The following OTUD4 variants were observed in gnomAD, a reference collection of about 807,000 sequenced individuals.
OTUD4 encodes the protein OTU domain-containing protein 4.
In OTUD4, 24 loss-of-function variants were observed where a neutral mutation model predicts 130.4. The ratio of observed to expected loss-of-function variants is 0.18; its 90% CI spans 0.13 to 0.26. The LOEUF (loss-of-function observed/expected upper bound fraction) is 0.26. Ranked by LOEUF, OTUD4 falls within the 10% of genes least tolerant of loss-of-function variation. The probability of loss-of-function intolerance (pLI) is 1.00; values close to 1 mark genes in which losing one functional copy is unlikely to be tolerated. For synonymous variants in OTUD4, 420 were observed against 472.5 expected (o/e 0.89, Z 1.44); for missense variants, 1,031 against 1,329.4 (o/e 0.78, Z 3.49).
chr4:145,146,490 AACATTCTTG>A, intron 13 of OTUD4, 61 bp from the exon 14 acceptor site: 2 of 1,037,456 alleles, frequency 1.9e-6, no homozygotes, highest in South Asian at 2.4e-5. Flanking sequence ...AAATAAATAA[AACATTCTTG>A]TCAAAAAAAA....
rs1298962126 is a variant in OTUD4 at position 145,137,934 on chromosome 4, A to G, written c.2841T>C (p.Asp947=). The change falls in exon 21 of 21, where the codon GAT becomes GAC. Residue 947 remains aspartate (D), a synonymous_variant. Transcript: ENST00000447906. ...TEQSSQTRKA[D]TALASIPPVA... ...CAGGAGGGATGGAAGCCAATGCCGT[A>G]TCTGCCTTTCGTGTCTGGGAAGATT... is the stretch of plus-strand genomic sequence containing the variant. 3 of 1,614,180 alleles carry G rather than the reference A, an allele frequency of 1.9e-6. No individual in the cohort carries two copies. The Admixed American group carries it at 5.0e-5, about 27-fold the overall frequency.
intron 5 of OTUD4, among the ~76,000 whole-genome samples, chr4:145,163,496 G>T (rs1220966576): frequency 1.3e-5 from 2 of 152,000 alleles, no homozygotes; most frequent in African/African-American, 4.8e-5. Flanking sequence ...AGTATTCCTG[G>T]ATGTAATGGC....
intron 13 of OTUD4, among the ~76,000 whole-genome samples, chr4:145,146,695 G>A (rs1750844667): frequency 6.6e-6 from 1 of 152,096 alleles, no homozygotes; most frequent in Non-Finnish European, 1.5e-5. Context: ...ACAGCAATGG[G>A]AGGTAGAGGG....
chr4:145,142,016 C>T (rs760307666), intron 18 of OTUD4, among the ~76,000 whole-genome samples, 180 bp downstream of exon 18: 3 of 152,202 alleles, frequency 2.0e-5, no homozygotes, highest in Non-Finnish European at 4.4e-5. Flanking sequence ...CAGATGAATA[C>T]AACACCAAAT....
At chr4:145,154,069 G>A (rs891789817) in intron 10 of OTUD4, among the ~76,000 whole-genome samples, 1 of 152,184 alleles carries the variant, frequency 6.6e-6, no homozygotes, top group African/African-American at 2.4e-5. Context: ...ACCAAAAGCA[G>A]TTTCAACCTC....
Position 145,180,539 on chromosome 4 carries a change from T to C in OTUD4, c.-566A>G, listed in dbSNP as rs1324717600. Among the ~76,000 whole-genome samples the C allele has an allele frequency of 6.6e-6, 1 of 152,182 alleles. No homozygotes were observed. The highest frequency in any genetic ancestry group is 2.4e-5 in the African/African-American group (1 of 41,450). The stretch of plus-strand genomic sequence containing the variant: ...GGGGCGCCCGGGAGAGAACAGCACC[T>C]CGCAGCCCAGAATTTGTTTTCGCTT... On this transcript the variant is annotated 5_prime_UTR_variant, in exon 1 of 21. Transcript: ENST00000447906.
In OTUD4 at chr4:145,138,069, A is replaced by G. The variant is rs374463520; in HGVS notation, c.2706T>C (p.Asp902=). 7 of 1,614,034 alleles carry G rather than the reference A, an allele frequency of 4.3e-6. No individual in the cohort carries two copies. The highest frequency in any genetic ancestry group is 2.2e-5 in the East Asian group (1 of 44,882). Residue 902 remains aspartate (D), a synonymous_variant, in exon 21 of 21, where the codon GAT becomes GAC. Transcript: ENST00000447906. ...LSLENLDLSK[D]CGSVSTVDEF... ...CATCTACTGTTGAAACTGAACCACA[A>G]TCTTTAGACAGATCCAGATTTTCCA...
At chr4:145,138,847 T>C (rs751226011) in intron 20 of OTUD4, among the ~76,000 whole-genome samples, 197 bp from the exon 21 acceptor site, 19 of 152,196 alleles carry the variant, frequency 1.2e-4, no homozygotes, top group Non-Finnish European at 2.6e-4. Context: ...TAAGACTCCA[T>C]TGCTTGCTCC....
chr4:145,138,148 A>G lies in OTUD4; in HGVS notation c.2627T>C (p.Met876Thr). The G allele has an allele frequency of 6.2e-7, 1 of 1,613,974 alleles. No individual in the cohort carries two copies. ...PFQGFIENPVMRQNIVLPSDE... is the reference protein window; with the variant it reads ...PFQGFIENPVTRQNIVLPSDE... ...AGAGGGCAGGACAATATTCTGCCTC[A>G]TTACTGGATTTTCTATGAATCCCTG... The change falls in exon 21 of 21, where the codon ATG (methionine) becomes ACG (threonine). Residue 876 changes from methionine (M) to threonine (T), a missense_variant. By Grantham distance (81) the Met-to-Thr change is moderately conservative. Transcript: ENST00000447906.
intron 1 of OTUD4, 105 bp downstream of exon 1, chr4:145,179,710 G>A: frequency 1.4e-6 from 2 of 1,420,686 alleles, no homozygotes; most frequent in African/African-American, 3.0e-5. Flanking sequence ...GGCACGCGCA[G>A]CCCCGGCCGT....
intron 10 of OTUD4, among the ~76,000 whole-genome samples, chr4:145,153,715 A>G (rs992231132): frequency 3.3e-5 from 5 of 152,244 alleles, no homozygotes; most frequent in Non-Finnish European, 5.9e-5. Flanking sequence ...GCACCTGCCA[A>G]GTACAACATA....
chr4:145,168,305 G>A (rs1187299298), intron 3 of OTUD4, among the ~76,000 whole-genome samples: 2 of 150,716 alleles, frequency 1.3e-5, no homozygotes, highest in African/African-American at 4.9e-5. Context: ...ACTTGAACTC[G>A]GGAGGCAGAG....
rs958290518 is a variant in OTUD4 at position 145,135,592 on chromosome 4, C to T, written c.*1838G>A. The T allele has an allele frequency of 5.9e-5, 9 of 152,530 alleles. No homozygotes were observed. Among genetic ancestry groups the T allele is most frequent in the African/African-American group, 1.7e-4 (7 of 41,448 alleles). The allele number at this position is 152,530 out of a possible 1,614,324, so 9.4% of individuals were successfully genotyped here. On this transcript the variant is annotated 3_prime_UTR_variant, in exon 21 of 21. Transcript: ENST00000447906. ...GATGTTAAGAAAAAAATGGCTTAAGCGGTACCTTCAACAACTATTCTAGTT... is the reference window on the plus strand; with the variant it reads ...GATGTTAAGAAAAAAATGGCTTAAGTGGTACCTTCAACAACTATTCTAGTT...
intron 20 of OTUD4, among the ~76,000 whole-genome samples, chr4:145,139,069 C>A (rs1419664329): frequency 1.3e-5 from 2 of 152,088 alleles, no homozygotes; most frequent in Non-Finnish European, 2.9e-5. Context: ...ATTCTAGGAG[C>A]CCCCAAGAGT....
At chr4:145,167,116 A>G (rs1398856766) in intron 3 of OTUD4, among the ~76,000 whole-genome samples, 1 of 152,198 alleles carries the variant, frequency 6.6e-6, no homozygotes, top group Non-Finnish European at 1.5e-5. Context: ...CCTTTATTCT[A>G]TAATACATCT....
intron 18 of OTUD4, 127 bp from the exon 19 acceptor site, chr4:145,141,766 A>T: frequency 1.3e-6 from 1 of 759,062 alleles, no homozygotes; most frequent in Non-Finnish European, 2.0e-6. Flanking sequence ...TTTTAGTATC[A>T]ACCAAGAGCC....
At chr4:145,161,560 G>A (rs1751568870) in intron 6 of OTUD4, among the ~76,000 whole-genome samples, 1 of 152,182 alleles carries the variant, frequency 6.6e-6, no homozygotes, top group Non-Finnish European at 1.5e-5. Flanking sequence ...CTCTTCTACA[G>A]CAGGAATTCT....
chr4:145,167,062 T>C (rs1012558868), intron 3 of OTUD4, among the ~76,000 whole-genome samples: 1 of 152,128 alleles, frequency 6.6e-6, no homozygotes, highest in Non-Finnish European at 1.5e-5. Flanking sequence ...AAATTGACAA[T>C]AGAGACAGGG....
chr4:145,159,121 AAAC>A, intron 7 of OTUD4: 5 of 1,039,096 alleles, frequency 4.8e-6, no homozygotes, highest in Non-Finnish European at 5.8e-6. Flanking sequence ...CTAAGAAAGA[AAAC>A]AATAAAAGAA....
Sources: allele counts gnomAD v4.1 joint callset (sites outside exome capture counted in the v4.1 genomes callset), GRCh38; gene constraint gnomAD v4.1.1; transcripts MANE v1.5; gene names NCBI Gene and HGNC (gene_info 2026-07-23, HGNC 2026-07-21).